Variants in CLMN observed in about 807,000 individuals in gnomAD.
The protein encoded by CLMN is calmin (calponin-like, transmembrane).
In CLMN, 57 loss-of-function variants were observed where a neutral mutation model predicts 92.7. That is an observed-to-expected ratio of 0.61 (90% CI 0.50 to 0.77). CLMN has a LOEUF of 0.77. CLMN is among the 30% of genes least tolerant of loss of function. The probability of loss-of-function intolerance (pLI) is 0.00; values close to 1 mark genes in which losing one functional copy is unlikely to be tolerated. For missense variants in CLMN, 1,158 were observed against 1,237.5 expected, an observed-to-expected ratio of 0.94 and a Z score of 0.96; for synonymous variants, 466 against 470.6, an observed-to-expected ratio of 0.99 and a Z score of 0.13.
intron 1 of CLMN, among the ~76,000 whole-genome samples, chr14:95,290,403 A>C (rs1414594180): frequency 6.6e-6 from 1 of 152,220 alleles, no homozygotes; most frequent in Non-Finnish European, 1.5e-5. Context: ...AGTCTCAGGG[A>C]GGGCCTTAAA....
In CLMN at chr14:95,204,379, T is replaced by G. The variant is rs1354017986; in HGVS notation, c.970A>C (p.Lys324Gln). Residue 324 changes from lysine to glutamine, a missense_variant, in exon 9 of 13, where the codon AAA (lysine) becomes CAA (glutamine). By Grantham distance (53) the Lys-to-Gln change is moderately conservative. Transcript: ENST00000298912. Reference sequence around the variant, plus strand: ...CCATTTTCAGTCAGAACGAAGACTTTGCTCTCCTGTTCAGAAGGAGTTTCT... The same window carrying G: ...CCATTTTCAGTCAGAACGAAGACTTGGCTCTCCTGTTCAGAAGGAGTTTCT... The part of the protein sequence containing the change: ...IKETPSEQES[K>Q]VFVLTENGER... 2 of 1,613,930 alleles carry G rather than the reference T, an allele frequency of 1.2e-6. No homozygotes were observed. Among genetic ancestry groups the G allele is most frequent in the African/African-American group, 2.7e-5 (2 of 74,872 alleles).
chr14:95,296,793 G>A (rs879336110), intron 1 of CLMN, among the ~76,000 whole-genome samples: 16 of 152,180 alleles, frequency 1.1e-4, no homozygotes, highest in Non-Finnish European at 2.1e-4. Flanking sequence ...GATGCACAGC[G>A]GGCCACACCA....
intron 1 of CLMN, among the ~76,000 whole-genome samples, chr14:95,269,830 G>T (rs1225332226): frequency 6.6e-6 from 1 of 152,220 alleles, no homozygotes; most frequent in African/African-American, 2.4e-5. Context: ...GGTAAGGGGT[G>T]TGTGTCCTCT....
chr14:95,293,358 CTCCCTCCCTCCTTCCT>C (rs374875489), intron 1 of CLMN, among the ~76,000 whole-genome samples: 18,363 of 72,354 alleles, frequency 0.25, 3,082 homozygotes, highest in East Asian at 0.49. Context: ...CCTTCTTTTC[CTCCCTCCCTCCTTCCT>C]TCCCTCCCTC....
At chr14:95,200,338 G>GAC in intron 9 of CLMN, among the ~76,000 whole-genome samples, 1 of 152,276 alleles carries the variant, frequency 6.6e-6, no homozygotes, top group East Asian at 1.9e-4. Flanking sequence ...TCCCGCATTA[G>GAC]ACACCGAAGG....
chr14:95,227,310 G>T (rs1234607213), intron 2 of CLMN, among the ~76,000 whole-genome samples: 1 of 152,132 alleles, frequency 6.6e-6, no homozygotes, highest in Non-Finnish European at 1.5e-5. Context: ...CCACCCGCAG[G>T]TGCACAGAAA....
intron 9 of CLMN, among the ~76,000 whole-genome samples, chr14:95,197,952 C>G (rs1220809730): frequency 6.6e-6 from 1 of 151,016 alleles, no homozygotes; most frequent in African/African-American, 2.4e-5. Flanking sequence ...AAAGATGAAA[C>G]AAGCAGAGGG....
intron 1 of CLMN, among the ~76,000 whole-genome samples, chr14:95,245,691 G>A: frequency 7.4e-6 from 1 of 135,004 alleles, no homozygotes; most frequent in Admixed American, 7.2e-5. Flanking sequence ...TGGGTGGGTG[G>A]GTGGATGGAT....
chr14:95,262,328 A>G lies in CLMN; in HGVS notation c.83-32195T>C, dbSNP rs118082619. The stretch of plus-strand genomic sequence containing the variant: ...GTTCAACAGAAGAACAACAAAATAA[A>G]TACATTCCCAGTGACCAGAGGACAA... On this transcript the variant is annotated intron_variant, in intron 1 of 12. Coordinates refer to ENST00000298912, the MANE Select transcript of CLMN (RefSeq NM_024734.4). Among the ~76,000 whole-genome samples, 675 of 152,312 alleles carry G rather than the reference A, an allele frequency of 4.4e-3. 10 individuals are homozygous for G. The highest frequency in any genetic ancestry group is 0.041 in the East Asian group (210 of 5,182).
chr14:95,267,963 G>A (rs1274840167), intron 1 of CLMN, among the ~76,000 whole-genome samples: 1 of 152,150 alleles, frequency 6.6e-6, no homozygotes, highest in African/African-American at 2.4e-5. Context: ...TGGGAGCTAA[G>A]AAAGGATCTC....
chr14:95,212,596 T>C (rs1897229214), intron 6 of CLMN, among the ~76,000 whole-genome samples: 1 of 152,178 alleles, frequency 6.6e-6, no homozygotes, highest in African/African-American at 2.4e-5. Flanking sequence ...CTCTGGAAGA[T>C]ACCCTGAAGC....
At chr14:95,319,307 A>T (rs1281423279) in intron 1 of CLMN, among the ~76,000 whole-genome samples, 1 of 72,346 alleles carries the variant, frequency 1.4e-5, no homozygotes, top group Non-Finnish European at 3.9e-5. Context: ...GCGAACTCAC[A>T]CACACACACA....
intron 1 of CLMN, among the ~76,000 whole-genome samples, chr14:95,302,223 C>G (rs1901088851): frequency 6.6e-6 from 1 of 152,038 alleles, no homozygotes; most frequent in Non-Finnish European, 1.5e-5. Flanking sequence ...TCGCTTGAAC[C>G]CGGGAGGCAG....
intron 1 of CLMN, among the ~76,000 whole-genome samples, chr14:95,298,914 G>A (rs570137137): frequency 3.3e-5 from 5 of 152,274 alleles, no homozygotes; most frequent in Admixed American, 2.6e-4. Context: ...ATCTTTGCAA[G>A]CAATATTTTA....
intron 9 of CLMN, among the ~76,000 whole-genome samples, chr14:95,200,769 C>T (rs1896855859): frequency 6.6e-6 from 1 of 152,148 alleles, no homozygotes; most frequent in Admixed American, 6.5e-5. Context: ...ATGCTATTTA[C>T]ACACCAATTT....
At chr14:95,299,052 T>A (rs966956819) in intron 1 of CLMN, among the ~76,000 whole-genome samples, 1 of 152,244 alleles carries the variant, frequency 6.6e-6, no homozygotes, top group African/African-American at 2.4e-5. Flanking sequence ...TTTACACATT[T>A]ATTGAGTGCC....
At chr14:95,207,620 T>C (rs764279404) in intron 8 of CLMN, among the ~76,000 whole-genome samples, 1 of 152,216 alleles carries the variant, frequency 6.6e-6, no homozygotes, top group South Asian at 2.1e-4. Context: ...ATTTTACAGG[T>C]GACACACATT....
intron 1 of CLMN, among the ~76,000 whole-genome samples, chr14:95,285,015 AC>A (rs1179476974): frequency 6.6e-6 from 1 of 151,932 alleles, no homozygotes; most frequent in African/African-American, 2.4e-5. Context: ...TGTGGGAGGG[AC>A]CCAGGGGGAG....
At position 95,319,813 on chromosome 14, in the gene CLMN, C is replaced by CGG; in HGVS notation, c.-23_-22dup. Reference sequence around the variant, plus strand: ...GCCATGAAGCGCGGGCGGGAGAGCCCGGGCCAGCGCGGCGCGGGCGGCGGG... The same window carrying CGG: ...GCCATGAAGCGCGGGCGGGAGAGCCCGGGGGCCAGCGCGGCGCGGGCGGCGGG... On this transcript the variant is annotated 5_prime_UTR_variant, in exon 1 of 13. Transcript: ENST00000298912. 4 of 1,361,924 alleles carry CGG rather than the reference C, an allele frequency of 2.9e-6. No homozygotes were observed. The highest frequency in any genetic ancestry group is 3.8e-6 in the Non-Finnish European group (4 of 1,053,014). 84.4% of individuals were successfully genotyped at this position (1,361,924 alleles called of 1,614,324 possible). A position where few individuals can be genotyped will look rare whatever the true frequency, so the allele number is the denominator to read the frequency against.
Sources: gnomAD v4.1 joint callset for allele counts (sites outside exome capture counted in the v4.1 genomes callset) on GRCh38, gnomAD v4.1.1 for gene constraint, MANE v1.5 for transcripts, NCBI Gene and HGNC (gene_info 2026-07-23, HGNC 2026-07-21) for gene names.